Variants in TTC28 observed in about 807,000 individuals in gnomAD.
TTC28 encodes the protein tetratricopeptide repeat protein 28.
A neutral mutation model predicts 198.0 loss-of-function variants in TTC28; 61 were observed. That is an observed-to-expected ratio of 0.31 (90% CI 0.25 to 0.38). The LOEUF is 0.38. Ranked by LOEUF, TTC28 falls within the 10% of genes least tolerant of loss-of-function variation. TTC28 has a pLI of 1.00. For missense variants in TTC28, 2,678 were observed against 3,164.0 expected (o/e 0.85, Z 3.69); for synonymous variants, 1,171 against 1,297.8 (o/e 0.90, Z 2.10).
At chr22:28,361,654 A>G (rs1266877097) in intron 2 of TTC28, among the ~76,000 whole-genome samples, 2 of 152,258 alleles carry the variant, frequency 1.3e-5, no homozygotes, top group South Asian at 4.1e-4. Context: ...AGGTGGCTAC[A>G]CCAAGCAATA....
chr22:28,466,857 C>CACACACA (rs1568962210), intron 2 of TTC28, among the ~76,000 whole-genome samples: 2 of 94,448 alleles, frequency 2.1e-5, no homozygotes, highest in Non-Finnish European at 2.2e-5. Context: ...ACACACACAC[C>CACACACA]CCTATGCCAG....
At chr22:28,310,288 G>A (rs1471615387) in intron 2 of TTC28, among the ~76,000 whole-genome samples, 1 of 152,066 alleles carries the variant, frequency 6.6e-6, no homozygotes, top group East Asian at 1.9e-4. Context: ...AGTAACTAAT[G>A]CTGTAAAATT....
At chr22:28,166,159 A>T (rs1248399197) in intron 5 of TTC28, among the ~76,000 whole-genome samples, 5 of 152,228 alleles carry the variant, frequency 3.3e-5, no homozygotes, top group Non-Finnish European at 7.3e-5. Context: ...ATACAGGAGC[A>T]CCCAGATTCA....
intron 5 of TTC28, among the ~76,000 whole-genome samples, chr22:28,284,228 G>C (rs995410779): frequency 6.6e-6 from 1 of 152,128 alleles, no homozygotes; most frequent in Non-Finnish European, 1.5e-5. Flanking sequence ...AAATGGATGA[G>C]ATTATTAAAA....
chr22:28,466,884 G>C (rs2048029761), intron 2 of TTC28, among the ~76,000 whole-genome samples: 1 of 150,594 alleles, frequency 6.6e-6, no homozygotes, highest in Non-Finnish European at 1.5e-5. Flanking sequence ...TTGTGACCTT[G>C]CTAAGTAATA....
chr22:28,233,725 C>T (rs16986177), intron 5 of TTC28, among the ~76,000 whole-genome samples: 27,272 of 151,888 alleles, frequency 0.18, 2,744 homozygotes, highest in African/African-American at 0.26. Context: ...AAGAATTTAC[C>T]AAAATTATTA....
chr22:28,521,405 T>A (rs1460519970), intron 2 of TTC28, among the ~76,000 whole-genome samples: 2 of 151,986 alleles, frequency 1.3e-5, no homozygotes, highest in East Asian at 3.9e-4. Flanking sequence ...AGACCCTATC[T>A]CTTACATTAA....
intron 6 of TTC28, among the ~76,000 whole-genome samples, chr22:28,111,621 C>G (rs574659970): frequency 1.3e-5 from 2 of 152,224 alleles, no homozygotes; most frequent in South Asian, 4.2e-4. Context: ...ATCTGCCCAG[C>G]CATGAGTCAA....
chr22:27,992,828 C>T (rs548322110), intron 18 of TTC28, 165 bp from the exon 19 acceptor site: 132 of 691,840 alleles, frequency 1.9e-4, no homozygotes, highest in African/African-American at 1.7e-3. Context: ...AAAAGGACAG[C>T]GTGGTCTCCC....
chr22:28,567,465 CATATACATACATACATAT>C (rs1645915351), intron 2 of TTC28, among the ~76,000 whole-genome samples: 1 of 60,358 alleles, frequency 1.7e-5, no homozygotes, highest in Non-Finnish European at 3.2e-5. Context: ...ACACCACACG[CATATACATACATACATAT>C]ATATATATAT....
In TTC28 at chr22:28,237,272, G is replaced by A. The variant is rs569820066; in HGVS notation, c.933+58926C>T. The stretch of plus-strand genomic sequence containing the variant: ...TAGAATTAAACAATAATGTCCTAAC[G>A]TGTCCACTGCATGTTGTGATCTAAC... On this transcript the variant is annotated intron_variant, in intron 5 of 22. Coordinates refer to ENST00000397906, the MANE Select transcript of TTC28 (RefSeq NM_001145418.2). Among the ~76,000 whole-genome samples the A allele has an allele frequency of 1.1e-4, 17 of 152,066 alleles. No individual in the cohort carries two copies. In the South Asian group the frequency reaches 3.5e-3, roughly 32 times the overall value.
At chr22:28,449,764 A>G (rs563198801) in intron 2 of TTC28, among the ~76,000 whole-genome samples, 1 of 152,206 alleles carries the variant, frequency 6.6e-6, no homozygotes, top group South Asian at 2.1e-4. Context: ...GGAAGGCCAA[A>G]TAAGTTTCTG....
intron 2 of TTC28, among the ~76,000 whole-genome samples, chr22:28,314,499 C>G (rs2145831864): frequency 6.6e-6 from 1 of 152,306 alleles, no homozygotes; most frequent in East Asian, 1.9e-4. Flanking sequence ...CAGCATGGTA[C>G]TGGTACCAAA....
At chr22:28,174,393 T>C (rs1004513990) in intron 5 of TTC28, among the ~76,000 whole-genome samples, 1 of 152,184 alleles carries the variant, frequency 6.6e-6, no homozygotes, top group African/African-American at 2.4e-5. Flanking sequence ...AAAGATGTGA[T>C]AGAAGATAAC....
chr22:28,501,447 A>C (rs1028514719), intron 2 of TTC28, among the ~76,000 whole-genome samples: 1 of 152,194 alleles, frequency 6.6e-6, no homozygotes, highest in Non-Finnish European at 1.5e-5. Flanking sequence ...AGAGGTAAAA[A>C]GTAGCAAGAA....
intron 5 of TTC28, among the ~76,000 whole-genome samples, chr22:28,269,803 A>C (rs1569231433): frequency 6.6e-6 from 1 of 152,194 alleles, no homozygotes; most frequent in African/African-American, 2.4e-5. Context: ...CTCACATAAG[A>C]AGGGGACAAC....
chr22:28,247,552 G>C (rs963860986), intron 5 of TTC28, among the ~76,000 whole-genome samples: 1 of 152,138 alleles, frequency 6.6e-6, no homozygotes, highest in African/African-American at 2.4e-5. Context: ...CACTACAGTG[G>C]GATCAGAGCT....
intron 12 of TTC28, among the ~76,000 whole-genome samples, chr22:28,030,736 G>A (rs548676456): frequency 8.6e-4 from 131 of 152,370 alleles, no homozygotes; most frequent in Admixed American, 2.5e-3. Flanking sequence ...CCAGCGTACA[G>A]CTGAGGCAAG....
intron 13 of TTC28, chr22:28,029,178 G>A (rs1161125901): frequency 6.5e-6 from 3 of 463,578 alleles, no homozygotes; most frequent in African/African-American, 2.0e-5. Context: ...AGGAACTAAG[G>A]GTGAACTAGC....
Sources: gnomAD v4.1 joint callset for allele counts (sites outside exome capture counted in the v4.1 genomes callset) on GRCh38, gnomAD v4.1.1 for gene constraint, MANE v1.5 for transcripts, NCBI Gene and HGNC (gene_info 2026-07-23, HGNC 2026-07-21) for gene names.